The following CCDC38 variants were observed in gnomAD, a reference collection of about 807,000 sequenced individuals.
CCDC38 encodes coiled-coil domain containing 38.
CCDC38 carries 69 observed loss-of-function variants against 72.8 expected under a neutral mutation model. The ratio of observed to expected loss-of-function variants is 0.95; its 90% CI spans 0.78 to 1.16. CCDC38 has a LOEUF of 1.16. CCDC38 is among the 50% of genes most tolerant of loss of function. The pLI is 0.00. For synonymous variants in CCDC38, 201 were observed against 213.2 expected, an observed-to-expected ratio of 0.94 and a Z score of 0.50; for missense variants, 626 against 638.9, an observed-to-expected ratio of 0.98 and a Z score of 0.22.
rs1444978197 is a variant in CCDC38, at chr12:95,908,405, GGCA to G, written c.305-1957_305-1955del. On this transcript the variant is annotated intron_variant, in intron 4 of 15. Coordinates refer to ENST00000344280, the MANE Select transcript of CCDC38 (RefSeq NM_182496.3). ...CAGGGAGGTTGCAGTGAGCTGAGAT[GGCA>G]GCAGTACAGTCCAGCTTCAGAGGGA... Among the ~76,000 whole-genome samples, 13 of 140,166 alleles carry G rather than the reference GGCA, an allele frequency of 9.3e-5. No homozygotes were observed. The East Asian group carries it at 1.8e-3, about 19-fold the overall frequency. 92.0% of individuals were successfully genotyped at this position (140,166 alleles called of 152,430 possible). A position where few individuals can be genotyped will look rare whatever the true frequency, so the allele number is the denominator to read the frequency against.
chr12:95,927,554 G>T (rs192714782), intron 2 of CCDC38, among the ~76,000 whole-genome samples: 3 of 152,144 alleles, frequency 2.0e-5, no homozygotes, highest in Admixed American at 6.5e-5. Flanking sequence ...GGTTGATATT[G>T]TTATGTGTGA....
intron 10 of CCDC38, among the ~76,000 whole-genome samples, chr12:95,887,655 C>T (rs767931436): frequency 5.9e-5 from 9 of 152,140 alleles, no homozygotes; most frequent in Admixed American, 2.0e-4. Context: ...AAGAACCCTG[C>T]GCTGACGTTC....
At chr12:95,943,233 G>A (rs886823162), upstream of CCDC38, 3 of 681,632 alleles carry the variant, frequency 4.4e-6, no homozygotes, top group African/African-American at 3.8e-5. Context: ...TACCGCCCCC[G>A]TTGCTGTGGT....
intron 2 of CCDC38, chr12:95,934,013 A>C (rs1044192284): frequency 6.6e-6 from 1 of 152,090 alleles, no homozygotes; most frequent in East Asian, 1.9e-4. Context: ...GTCTATAAAA[A>C]CAATTGTTTT....
In CCDC38 at chr12:95,917,114, G is replaced by A; in HGVS notation, c.304+15C>T. On this transcript the variant is annotated intron_variant, in intron 4 of 15. Transcript: ENST00000344280. ...ATATTCAAAATGATGTTCTTAAAGA[G>A]TAATTTAGACTCACCTTCTATTAAT... 1 of 1,560,160 alleles carries A rather than the reference G, an allele frequency of 6.4e-7. No homozygotes were observed. Among genetic ancestry groups the A allele is most frequent in the Non-Finnish European group, 8.6e-7 (1 of 1,162,746 alleles).
At chr12:95,908,014 AC>A (rs2080031329) in intron 4 of CCDC38, among the ~76,000 whole-genome samples, 1 of 151,502 alleles carries the variant, frequency 6.6e-6, no homozygotes, top group South Asian at 2.1e-4. Context: ...CCAGGCAGAG[AC>A]GCTCCTCACT....
intron 2 of CCDC38, chr12:95,919,694 AAT>A (rs2080183417): frequency 4.4e-6 from 2 of 450,556 alleles, no homozygotes; most frequent in African/African-American, 4.0e-5. Flanking sequence ...TTGAGATATT[AAT>A]ATGTTTCTTC....
intron 5 of CCDC38, among the ~76,000 whole-genome samples, chr12:95,905,532 A>G (rs2079992124): frequency 6.6e-6 from 1 of 152,188 alleles, no homozygotes; most frequent in Non-Finnish European, 1.5e-5. Flanking sequence ...GAGATATTTT[A>G]TGTTGATTGC....
At chr12:95,883,008 G>A (rs112621377) in intron 10 of CCDC38, among the ~76,000 whole-genome samples, 4 of 152,270 alleles carry the variant, frequency 2.6e-5, no homozygotes, top group African/African-American at 9.6e-5. Context: ...TAGAAATCTG[G>A]GCGTTATCTG....
intron 2 of CCDC38, among the ~76,000 whole-genome samples, chr12:95,929,259 C>T (rs2080309581): frequency 1.3e-5 from 2 of 152,154 alleles, no homozygotes; most frequent in South Asian, 2.1e-4. Context: ...TTTTTTAAGC[C>T]CATGGGAAAA....
At chr12:95,907,606 G>A (rs1224776808) in intron 4 of CCDC38, among the ~76,000 whole-genome samples, 1 of 140,174 alleles carries the variant, frequency 7.1e-6, no homozygotes, top group East Asian at 2.1e-4. Context: ...CCTCCCGGAC[G>A]GGTGGCTGCC....
chr12:95,867,108 T>G lies in CCDC38; in HGVS notation c.1660A>C (p.Lys554Gln), dbSNP rs73227775. 5.0e-6 allele frequency: 8 copies of G among 1,602,864 alleles called. 1 individual carries two copies. In the Middle Eastern group the frequency reaches 1.6e-3, roughly 322 times the overall value. ...QLPLVNETKT[K>Q]SQEEEYFFT ...AAAAAATATTCTTCCTCTTGTGATTTTGTTTTTGTTTCATTGACTAAAGGT... is the reference window on the plus strand; with the variant it reads ...AAAAAATATTCTTCCTCTTGTGATTGTGTTTTTGTTTCATTGACTAAAGGT... The change falls in exon 16 of 16, where the codon AAA (lysine) becomes CAA (glutamine). Residue 554 changes from lysine to glutamine, a missense_variant. Transcript: ENST00000344280.
intron 5 of CCDC38, 126 bp from the exon 6 acceptor site, chr12:95,898,857 G>T (rs1161646539): frequency 3.2e-6 from 3 of 942,372 alleles, no homozygotes; most frequent in East Asian, 5.1e-5. Context: ...TGGAGCAATG[G>T]ACTTTATTTC....
chr12:95,939,882 C>T (rs994296325), intron 1 of CCDC38, among the ~76,000 whole-genome samples: 3 of 152,168 alleles, frequency 2.0e-5, no homozygotes, highest in Non-Finnish European at 4.4e-5. Flanking sequence ...TATGGAAAGA[C>T]CCCTGGCCTT....
chr12:95,877,323 A>G (rs2079646653), intron 13 of CCDC38, among the ~76,000 whole-genome samples: 1 of 152,214 alleles, frequency 6.6e-6, no homozygotes, highest in Non-Finnish European at 1.5e-5. Flanking sequence ...TAGAAGGTAT[A>G]TAAGCTCTGG....
rs2079914515 is a variant in CCDC38 at position 95,898,439 on chromosome 12, A to G, written c.560T>C (p.Leu187Pro). 1.9e-6 allele frequency: 3 copies of G among 1,614,134 alleles called. No homozygotes were observed. The highest frequency in any genetic ancestry group is 2.5e-6 in the Non-Finnish European group (3 of 1,180,038). ...TTTCTTCAGCTCTGCTGTCATTTGG[A>G]GTTTGTTTATTGTTTCCTGTGCTGC... ...KMAAQETINK[L>P]QMTAELKKAS... is the part of the protein sequence containing the mutation. The change falls in exon 7 of 16, where the codon CTC (leucine) becomes CCC (proline). Residue 187 changes from leucine to proline, a missense_variant. By Grantham distance (98) the Leu-to-Pro change is moderately conservative. Transcript: ENST00000344280.
chr12:95,900,845 T>A (rs1162736616), intron 5 of CCDC38, among the ~76,000 whole-genome samples: 1 of 152,194 alleles, frequency 6.6e-6, no homozygotes, highest in African/African-American at 2.4e-5. Flanking sequence ...TTTCCAGAAC[T>A]ATATTTTTGA....
At chr12:95,942,675 C>G (rs1482415715), upstream of CCDC38, 1 of 152,500 alleles carries the variant, frequency 6.6e-6, no homozygotes, top group African/African-American at 2.4e-5. Flanking sequence ...CCCTCCTCCC[C>G]ACCCCCAGGT....
intron 14 of CCDC38, among the ~76,000 whole-genome samples, chr12:95,870,365 G>A (rs1274392787): frequency 6.6e-6 from 1 of 152,090 alleles, no homozygotes; most frequent in Non-Finnish European, 1.5e-5. Context: ...AGTACAAGGT[G>A]GTGAGCAATA....
Sources: allele counts gnomAD v4.1 joint callset (sites outside exome capture counted in the v4.1 genomes callset), GRCh38; gene constraint gnomAD v4.1.1; transcripts MANE v1.5; gene names NCBI Gene and HGNC (gene_info 2026-07-23, HGNC 2026-07-21).